The following COL23A1 variants were observed in gnomAD, a reference collection of about 807,000 sequenced individuals.
COL23A1 encodes the protein collagen type XXIII alpha 1 chain, also known as collagen alpha-1(XXIII) chain.
COL23A1 carries 97 observed loss-of-function variants against 99.3 expected under a neutral mutation model. That is an observed-to-expected ratio of 0.98 (90% CI 0.83 to 1.16). COL23A1 has a LOEUF of 1.16. Among genes scored for constraint, COL23A1 ranks in the 50% most tolerant of loss-of-function variants. The pLI is 0.00. For missense variants in COL23A1, 762 were observed against 757.4 expected, an observed-to-expected ratio of 1.01 and a Z score of -0.07; for synonymous variants, 320 against 308.2, an observed-to-expected ratio of 1.04 and a Z score of -0.40.
At chr5:178,429,061 C>T (rs1175771073) in intron 2 of COL23A1, among the ~76,000 whole-genome samples, 2 of 152,176 alleles carry the variant, frequency 1.3e-5, no homozygotes, top group Non-Finnish European at 2.9e-5. Flanking sequence ...CTCTGTAAAC[C>T]AGGTGCGGGG....
At chr5:178,570,494 T>C (rs537638) in intron 1 of COL23A1, among the ~76,000 whole-genome samples, 41,146 of 151,844 alleles carry the variant, frequency 0.27, 5,628 homozygotes, top group East Asian at 0.3. Flanking sequence ...AGTACATTAG[T>C]TTTTCTACAA....
chr5:178,423,662 C>T (rs1765755025), intron 2 of COL23A1, among the ~76,000 whole-genome samples: 1 of 152,162 alleles, frequency 6.6e-6, no homozygotes, highest in Non-Finnish European at 1.5e-5. Flanking sequence ...ACAGCCCTGG[C>T]ACGTCCCCTC....
chr5:178,493,145 G>A (rs1005712274), intron 2 of COL23A1, among the ~76,000 whole-genome samples: 2 of 152,102 alleles, frequency 1.3e-5, no homozygotes, highest in East Asian at 1.9e-4. Context: ...TCTGGTCCTC[G>A]CTGTGAGGGA....
At chr5:178,518,669 G>A (rs1341960391) in intron 2 of COL23A1, among the ~76,000 whole-genome samples, 9 of 119,506 alleles carry the variant, frequency 7.5e-5, no homozygotes, top group Non-Finnish European at 8.8e-5. Flanking sequence ...GATGGCGGCC[G>A]GGCGGAGACG....
chr5:178,277,108 G>A (rs1404536778), intron 5 of COL23A1, among the ~76,000 whole-genome samples: 1 of 151,902 alleles, frequency 6.6e-6, no homozygotes, highest in Non-Finnish European at 1.5e-5. Context: ...GCTCATGCCC[G>A]TAATCCCAGC....
At chr5:178,358,457 G>A (rs1761945028) in intron 2 of COL23A1, among the ~76,000 whole-genome samples, 1 of 148,992 alleles carries the variant, frequency 6.7e-6, no homozygotes, top group Non-Finnish European at 1.5e-5. Context: ...GTATATGTAT[G>A]CGTATGTGTA....
In COL23A1 at chr5:178,252,617, C is replaced by T. The variant is rs375536661; in HGVS notation, c.961-20G>A. On this transcript the variant is annotated intron_variant, in intron 16 of 28. Coordinates refer to ENST00000390654, the MANE Select transcript of COL23A1 (RefSeq NM_173465.4). Reference sequence around the variant, plus strand: ...AGGCCCCTGTGTGTGAGAGTGAAGCCGGTCAGTGTCATGGGTTAGGCAGGG... The same window carrying T: ...AGGCCCCTGTGTGTGAGAGTGAAGCTGGTCAGTGTCATGGGTTAGGCAGGG... The T allele has an allele frequency of 8.6e-5, 137 of 1,601,940 alleles. No homozygotes were observed. The highest frequency in any genetic ancestry group is 1.7e-4 in the Middle Eastern group (1 of 5,930).
intron 5 of COL23A1, among the ~76,000 whole-genome samples, chr5:178,273,137 G>T (rs189435731): frequency 1.0e-3 from 156 of 152,270 alleles, no homozygotes; most frequent in Admixed American, 1.4e-3. Flanking sequence ...TGCAACCAAG[G>T]CCCCCTGGAT....
intron 2 of COL23A1, among the ~76,000 whole-genome samples, chr5:178,369,108 G>A (rs951815188): frequency 5.3e-5 from 8 of 152,208 alleles, no homozygotes; most frequent in African/African-American, 1.4e-4. Context: ...GTGGGAGGCC[G>A]AAGCTATTCA....
intron 3 of COL23A1, among the ~76,000 whole-genome samples, chr5:178,295,093 G>A (rs922656305): frequency 2.0e-5 from 3 of 152,230 alleles, no homozygotes; most frequent in African/African-American, 7.2e-5. Context: ...GCTGAGGCAG[G>A]ACAATTGCTT....
At chr5:178,450,369 A>G (rs1028231341) in intron 2 of COL23A1, among the ~76,000 whole-genome samples, 6 of 151,958 alleles carry the variant, frequency 3.9e-5, no homozygotes, top group Non-Finnish European at 5.9e-5. Context: ...TCTCGGGCTC[A>G]CTCTTGAGAG....
chr5:178,422,401 G>C (rs1388333793), intron 2 of COL23A1, among the ~76,000 whole-genome samples: 2 of 152,172 alleles, frequency 1.3e-5, no homozygotes. Context: ...CAGTAACAGA[G>C]CTGCTGAGCA....
chr5:178,399,134 T>C (rs972108728), intron 2 of COL23A1, among the ~76,000 whole-genome samples: 2 of 152,226 alleles, frequency 1.3e-5, no homozygotes, highest in African/African-American at 4.8e-5. Flanking sequence ...AAATACATCC[T>C]GATCAGATGG....
At chr5:178,432,664 A>G (rs1677515144) in intron 2 of COL23A1, among the ~76,000 whole-genome samples, 2 of 152,146 alleles carry the variant, frequency 1.3e-5, no homozygotes, top group Admixed American at 1.3e-4. Flanking sequence ...CAAGCCAGGA[A>G]GCAGGGAGAG....
intron 20 of COL23A1, 80 bp from the exon 21 acceptor site, chr5:178,247,911 T>A: frequency 7.9e-7 from 1 of 1,258,240 alleles, no homozygotes; most frequent in Non-Finnish European, 1.1e-6. Flanking sequence ...CGCACACTGC[T>A]GGATCGAGAG....
At chr5:178,478,760 C>T (rs1757166207) in intron 2 of COL23A1, among the ~76,000 whole-genome samples, 1 of 152,124 alleles carries the variant, frequency 6.6e-6, no homozygotes, top group Non-Finnish European at 1.5e-5. Flanking sequence ...AGCAAAGTAG[C>T]CAGGAAAGAC....
At chr5:178,440,305 A>C (rs1301676015) in intron 2 of COL23A1, among the ~76,000 whole-genome samples, 3 of 151,982 alleles carry the variant, frequency 2.0e-5, no homozygotes, top group Non-Finnish European at 4.4e-5. Context: ...GCCCCGTGGA[A>C]CTCTCTCCAG....
At chr5:178,297,629 C>T (rs770646809) in intron 3 of COL23A1, among the ~76,000 whole-genome samples, 10 of 152,212 alleles carry the variant, frequency 6.6e-5, no homozygotes, top group Non-Finnish European at 1.2e-4. Flanking sequence ...CTGTTGCAAT[C>T]GGTAGTGGTT....
intron 5 of COL23A1, among the ~76,000 whole-genome samples, chr5:178,277,026 T>C (rs2973762): frequency 0.86 from 130,384 of 152,198 alleles, 56,079 homozygotes; most frequent in Non-Finnish European, 0.9. Context: ...GGGCTGGAAT[T>C]GGGCAATGTC....
Sources: gnomAD v4.1 joint callset for allele counts (sites outside exome capture counted in the v4.1 genomes callset) on GRCh38, gnomAD v4.1.1 for gene constraint, MANE v1.5 for transcripts, NCBI Gene and HGNC (gene_info 2026-07-23, HGNC 2026-07-21) for gene names.